The following NRG1 variants were observed in gnomAD, a reference collection of about 807,000 sequenced individuals.
The protein encoded by NRG1 is pro-neuregulin-1, membrane-bound isoform.
In NRG1, 18 loss-of-function variants were observed where a neutral mutation model predicts 63.8. The ratio of observed to expected loss-of-function variants is 0.28; its 90% CI spans 0.19 to 0.42. The LOEUF is 0.42. NRG1 is among the 10% of genes least tolerant of loss of function. The pLI, the probability that NRG1 is intolerant of heterozygous loss-of-function variation, is 1.00. For missense variants in NRG1, 762 were observed against 814.7 expected (o/e 0.94, Z 0.79); for synonymous variants, 302 against 301.3 (o/e 1.00, Z -0.02).
intron 1 of NRG1, among the ~76,000 whole-genome samples, chr8:32,138,913 G>C (rs910956158): frequency 6.6e-6 from 1 of 152,026 alleles, no homozygotes; most frequent in Non-Finnish European, 1.5e-5. Context: ...ACCTAATTTT[G>C]GCTTTTTGAT....
intron 1 of NRG1, among the ~76,000 whole-genome samples, chr8:32,217,811 C>T (rs896426179): frequency 6.6e-6 from 1 of 152,106 alleles, no homozygotes; most frequent in African/African-American, 2.4e-5. Context: ...CATCATAGAA[C>T]AAAACAGTCC....
chr8:32,675,864 A>T (rs533301235), intron 5 of NRG1, among the ~76,000 whole-genome samples: 1 of 152,318 alleles, frequency 6.6e-6, no homozygotes, highest in East Asian at 1.9e-4. Context: ...TGTATGTGAA[A>T]TACTCAAGTT....
At chr8:32,258,091 G>A (rs1420616975) in intron 1 of NRG1, among the ~76,000 whole-genome samples, 1 of 152,150 alleles carries the variant, frequency 6.6e-6, no homozygotes, top group Non-Finnish European at 1.5e-5. Context: ...TGATGACTGT[G>A]TCGACCTCTG....
intron 1 of NRG1, among the ~76,000 whole-genome samples, chr8:31,648,256 C>A (rs1804491203): frequency 1.3e-5 from 2 of 151,124 alleles, no homozygotes; most frequent in South Asian, 4.2e-4. Flanking sequence ...GCCTCAGCCT[C>A]CCGTGTAGCT....
chr8:31,702,922 A>G (rs1022072186), intron 1 of NRG1, among the ~76,000 whole-genome samples: 38 of 151,854 alleles, frequency 2.5e-4, no homozygotes, highest in African/African-American at 8.7e-4. Flanking sequence ...CCTGCAGTAT[A>G]GATGGGCTGA....
chr8:32,644,172 GGAACTCAACAAAGGTA>G (rs1416296782), intron 5 of NRG1, among the ~76,000 whole-genome samples: 3 of 152,154 alleles, frequency 2.0e-5, no homozygotes, highest in Non-Finnish European at 2.9e-5. Flanking sequence ...TCACCTGGGT[GGAACTCAACAAAGGTA>G]GCTTTTATTA....
At chr8:32,120,942 T>C (rs1833366817) in intron 1 of NRG1, among the ~76,000 whole-genome samples, 1 of 152,030 alleles carries the variant, frequency 6.6e-6, no homozygotes, top group Non-Finnish European at 1.5e-5. Flanking sequence ...TTGGAAGACA[T>C]GTAGGCAAAC....
intron 1 of NRG1, among the ~76,000 whole-genome samples, chr8:32,456,136 A>G (rs1282808262): frequency 6.6e-6 from 1 of 152,224 alleles, no homozygotes; most frequent in Non-Finnish European, 1.5e-5. Context: ...ACAACCTTTT[A>G]TTCATAGACC....
intron 1 of NRG1, among the ~76,000 whole-genome samples, chr8:32,259,719 A>T (rs1563242815): frequency 6.6e-6 from 1 of 152,148 alleles, no homozygotes; most frequent in Admixed American, 6.6e-5. Flanking sequence ...GAGAAGGTAA[A>T]TGAATTCAAC....
intron 1 of NRG1, among the ~76,000 whole-genome samples, chr8:32,076,390 A>G (rs968314220): frequency 1.3e-5 from 2 of 151,556 alleles, no homozygotes; most frequent in Non-Finnish European, 2.9e-5. Context: ...CTCCAAAATG[A>G]TTAGAAGTGT....
intron 1 of NRG1, among the ~76,000 whole-genome samples, chr8:32,508,291 G>A (rs1828775962): frequency 9.3e-6 from 1 of 108,106 alleles, no homozygotes; most frequent in Non-Finnish European, 1.9e-5. Context: ...ACAATATAAG[G>A]GCCATTTTTT....
chr8:31,985,923 A>G (rs1335706840), intron 1 of NRG1, among the ~76,000 whole-genome samples: 1 of 151,892 alleles, frequency 6.6e-6, no homozygotes, highest in Admixed American at 6.6e-5. Flanking sequence ...CCTAGTTTGA[A>G]CTCTCCAATG....
At chr8:32,385,962 G>A (rs939164778) in intron 1 of NRG1, among the ~76,000 whole-genome samples, 2 of 152,146 alleles carry the variant, frequency 1.3e-5, no homozygotes, top group African/African-American at 2.4e-5. Flanking sequence ...TTCAAATCAC[G>A]TAATGAGAAG....
At chr8:31,896,550 G>A (rs1040103843) in intron 1 of NRG1, among the ~76,000 whole-genome samples, 8 of 152,174 alleles carry the variant, frequency 5.3e-5, no homozygotes, top group African/African-American at 1.9e-4. Flanking sequence ...TTGTGTTTCA[G>A]TGGTTGTCTG....
At chr8:31,729,798 A>C (rs1813834902) in intron 1 of NRG1, among the ~76,000 whole-genome samples, 1 of 152,158 alleles carries the variant, frequency 6.6e-6, no homozygotes, top group Non-Finnish European at 1.5e-5. Flanking sequence ...AAGTTAACAC[A>C]AAAAATGCTT....
intron 1 of NRG1, among the ~76,000 whole-genome samples, chr8:31,761,220 C>T (rs1293460493): frequency 5.9e-5 from 9 of 152,116 alleles, no homozygotes; most frequent in Non-Finnish European, 1.0e-4. Flanking sequence ...CCAAACACCT[C>T]TTGTTCTCAC....
intron 1 of NRG1, among the ~76,000 whole-genome samples, chr8:31,691,669 C>A (rs1021366924): frequency 6.8e-6 from 1 of 147,564 alleles, no homozygotes; most frequent in Non-Finnish European, 1.5e-5. Context: ...TAAAAATAAC[C>A]GTTAATTTTA....
At chr8:31,851,791 A>AT (rs967223708) in intron 1 of NRG1, among the ~76,000 whole-genome samples, 5 of 127,864 alleles carry the variant, frequency 3.9e-5, no homozygotes, top group African/African-American at 1.5e-4. Flanking sequence ...CCAGAGTGTG[A>AT]TGTTCCCCTT....
chr8:32,393,304 T>C (rs1226558250), intron 1 of NRG1, among the ~76,000 whole-genome samples: 3 of 152,192 alleles, frequency 2.0e-5, no homozygotes, highest in Non-Finnish European at 2.9e-5. Flanking sequence ...AATTATTCTC[T>C]TGTCTGAGTC....
Sources: allele counts gnomAD v4.1 joint callset (sites outside exome capture counted in the v4.1 genomes callset), GRCh38; gene constraint gnomAD v4.1.1; transcripts MANE v1.5; gene names NCBI Gene and HGNC (gene_info 2026-07-23, HGNC 2026-07-21).